Variants in RNGTT observed in about 807,000 individuals in gnomAD.
The protein encoded by RNGTT is RNA guanylyltransferase and 5'-phosphatase, also known as mRNA-capping enzyme.
In RNGTT, 33 loss-of-function variants were observed where a neutral mutation model predicts 79.3. The ratio of observed to expected loss-of-function variants is 0.42; its 90% CI spans 0.32 to 0.56. The LOEUF (loss-of-function observed/expected upper bound fraction) is 0.56, where lower values mean the gene tolerates loss of function less well. RNGTT is among the 20% of genes least tolerant of loss of function. The pLI, the probability that RNGTT is intolerant of heterozygous loss-of-function variation, is 0.17. For synonymous variants in RNGTT, 222 were observed against 235.9 expected, an observed-to-expected ratio of 0.94 and a Z score of 0.54; for missense variants, 497 against 739.1, an observed-to-expected ratio of 0.67 and a Z score of 3.80.
At chr6:88,659,809 G>A (rs942915993) in intron 14 of RNGTT, among the ~76,000 whole-genome samples, 1 of 152,084 alleles carries the variant, frequency 6.6e-6, no homozygotes, top group Non-Finnish European at 1.5e-5. Flanking sequence ...AGAACACCCG[G>A]GAAGTTCATC....
At chr6:88,827,573 C>A (rs1780713344) in intron 11 of RNGTT, among the ~76,000 whole-genome samples, 1 of 152,150 alleles carries the variant, frequency 6.6e-6, no homozygotes, top group Admixed American at 6.5e-5. Context: ...GCGGCTGAAG[C>A]CAGGGAGCCA....
chr6:88,860,567 T>TG (rs1192869810), intron 8 of RNGTT, among the ~76,000 whole-genome samples: 7 of 152,228 alleles, frequency 4.6e-5, no homozygotes, highest in Admixed American at 1.3e-4. Context: ...TCCTGTGCCC[T>TG]GACCTTGGCT....
At chr6:88,640,972 T>C (rs1219126191) in intron 14 of RNGTT, among the ~76,000 whole-genome samples, 1 of 152,174 alleles carries the variant, frequency 6.6e-6, no homozygotes, top group African/African-American at 2.4e-5. Flanking sequence ...ATTTCTTCTA[T>C]GAGACTCCCT....
intron 14 of RNGTT, among the ~76,000 whole-genome samples, chr6:88,669,591 T>C (rs1318559607): frequency 1.3e-5 from 2 of 152,208 alleles, no homozygotes; most frequent in African/African-American, 2.4e-5. Context: ...GAAGAACCCA[T>C]TTAGTAAGTT....
At chr6:88,868,637 C>T (rs1312586348) in intron 8 of RNGTT, among the ~76,000 whole-genome samples, 1 of 152,130 alleles carries the variant, frequency 6.6e-6, no homozygotes, top group Non-Finnish European at 1.5e-5. Context: ...TCATATTGTT[C>T]ATTAGATTTT....
chr6:88,618,190 C>T (rs1183288330), intron 14 of RNGTT, among the ~76,000 whole-genome samples: 7 of 152,144 alleles, frequency 4.6e-5, no homozygotes, highest in South Asian at 2.1e-4. Flanking sequence ...AGAAAATGCA[C>T]GTACCTGCCA....
At chr6:88,949,679 C>T (rs541427776) in intron 1 of RNGTT, among the ~76,000 whole-genome samples, 306 of 152,264 alleles carry the variant, frequency 2.0e-3, no homozygotes, top group Admixed American at 3.1e-3. Context: ...CAGCAACTCC[C>T]TTCAATTCTA....
At chr6:88,858,990 GAA>G (rs1781923017) in intron 8 of RNGTT, among the ~76,000 whole-genome samples, 1 of 151,698 alleles carries the variant, frequency 6.6e-6, no homozygotes, top group South Asian at 2.1e-4. Context: ...TAGGAATTAT[GAA>G]AACTTTTTTT....
chr6:88,742,751 T>C (rs1408495987), intron 13 of RNGTT, among the ~76,000 whole-genome samples: 1 of 152,234 alleles, frequency 6.6e-6, no homozygotes, highest in Non-Finnish European at 1.5e-5. Context: ...TTTGGCAGCA[T>C]TCACTTAAAG....
At chr6:88,919,716 T>A in intron 4 of RNGTT, among the ~76,000 whole-genome samples, 1 of 146,128 alleles carries the variant, frequency 6.8e-6, no homozygotes, top group East Asian at 2.0e-4. Flanking sequence ...TCTTTTTTTT[T>A]TTTTTTTTTT....
intron 11 of RNGTT, among the ~76,000 whole-genome samples, chr6:88,820,730 A>T (rs1000378825): frequency 1.1e-4 from 16 of 152,218 alleles, no homozygotes; most frequent in African/African-American, 3.9e-4. Context: ...AAAATGAAAT[A>T]CTTAGGGATA....
intron 13 of RNGTT, among the ~76,000 whole-genome samples, chr6:88,700,920 T>C (rs1775923286): frequency 6.6e-6 from 1 of 152,098 alleles, no homozygotes; most frequent in African/African-American, 2.4e-5. Flanking sequence ...GGTATACATA[T>C]TTGGAAAATA....
intron 4 of RNGTT, among the ~76,000 whole-genome samples, chr6:88,915,536 T>C (rs1284374179): frequency 1.3e-5 from 2 of 152,178 alleles, no homozygotes; most frequent in Non-Finnish European, 1.5e-5. Context: ...ACCTATCACA[T>C]GTTCTCACTT....
At position 88,806,610 on chromosome 6, in the gene RNGTT, C is replaced by T. The variant is rs186670352; in HGVS notation, c.1270-4978G>A. ...GATTACAGGTGTGGGCCACCGCACC[C>T]GGCCTGAAAAAGGAACACTGTTACA... On this transcript the variant is annotated intron_variant, in intron 11 of 15. Transcript: ENST00000369485. 5.3e-5 allele frequency among the ~76,000 whole-genome samples: 8 copies of T among 152,080 alleles called. No individual in the cohort carries two copies. In the East Asian group the frequency reaches 9.7e-4, roughly 18 times the overall value.
At position 88,952,197 on chromosome 6, in the gene RNGTT, T is replaced by C. The variant is rs1393991665; in HGVS notation, c.65-11017A>G. Among the ~76,000 whole-genome samples the C allele has an allele frequency of 2.0e-5, 3 of 152,000 alleles. No individual in the cohort carries two copies. The East Asian group carries it at 5.8e-4, about 29-fold the overall frequency. ...CTATATGACACAGCAGAGGCAGCCA[T>C]AATCCTCTCTGGAACATAACCTGTT... On this transcript the variant is annotated intron_variant, in intron 1 of 15. Coordinates refer to ENST00000369485, the MANE Select transcript of RNGTT (RefSeq NM_003800.5).
Position 88,904,725 on chromosome 6 carries a change from C to T in RNGTT, c.674G>A (p.Arg225Gln), listed in dbSNP as rs757072486. 5 of 1,612,698 alleles carry T rather than the reference C, an allele frequency of 3.1e-6. No homozygotes were observed. In the South Asian group the frequency reaches 3.3e-5, roughly 11 times the overall value. The change falls in exon 6 of 16, where the codon CGG (arginine) becomes CAG (glutamine). Residue 225 changes from arginine (R) to glutamine (Q), a missense_variant. Around this residue, in one of 3 missense-constraint regions of RNGTT, gnomAD observed 440 missense variants for 671.5 expected, o/e 0.66. Transcript: ENST00000369485. ...SASFGKRRKE[R>Q]LKLGAIFLEG... Reference sequence around the variant, plus strand: ...ATTTTTAAACATTACCAGTTTTAACCGTTCTTTTCTCCTTTTGCCAAAAGA... The same window carrying T: ...ATTTTTAAACATTACCAGTTTTAACTGTTCTTTTCTCCTTTTGCCAAAAGA...
rs1163218151 is a variant in RNGTT, at chr6:88,612,549, G to C, written c.*170C>G. 1.2e-5 allele frequency: 8 copies of C among 660,426 alleles called. No homozygotes were observed. The highest frequency in any genetic ancestry group is 1.9e-5 in the Non-Finnish European group (7 of 377,898). 40.9% of individuals were successfully genotyped at this position (660,426 alleles called of 1,614,324 possible). On this transcript the variant is annotated 3_prime_UTR_variant, in exon 16 of 16. Transcript: ENST00000369485. The stretch of plus-strand genomic sequence containing the variant: ...GTATTGCAGCACTGAGGAAACGAAT[G>C]CATCAAGTATTTACAGGCTGGCTAC...
At chr6:88,657,512 C>A (rs539779864) in intron 14 of RNGTT, among the ~76,000 whole-genome samples, 13 of 152,148 alleles carry the variant, frequency 8.5e-5, no homozygotes, top group African/African-American at 2.4e-4. Context: ...TTCAAATGAG[C>A]ACAAGTTTTC....
chr6:88,837,112 G>C (rs1413714504), intron 11 of RNGTT, among the ~76,000 whole-genome samples: 1 of 152,120 alleles, frequency 6.6e-6, no homozygotes. Flanking sequence ...AAACTGCTCT[G>C]GCCGGGCATG....
Sources: allele counts gnomAD v4.1 joint callset (sites outside exome capture counted in the v4.1 genomes callset), GRCh38; gene constraint gnomAD v4.1.1; regional missense constraint gnomAD v4.1.1; transcripts MANE v1.5; gene names NCBI Gene and HGNC (gene_info 2026-07-23, HGNC 2026-07-21).